Variants in ELP4 observed in about 807,000 individuals in gnomAD.
ELP4 encodes the protein elongator acetyltransferase complex subunit 4, also known as elongator complex protein 4.
ELP4 carries 51 observed loss-of-function variants against 48.9 expected under a neutral mutation model. That is an observed-to-expected ratio of 1.04 (90% CI 0.83 to 1.32). ELP4 has a LOEUF of 1.32. Among genes scored for constraint, ELP4 ranks in the 40% most tolerant of loss-of-function variants. The pLI is 0.00. For missense variants in ELP4, 519 were observed against 514.6 expected, an observed-to-expected ratio of 1.01 and a Z score of -0.08; for synonymous variants, 210 against 189.2, an observed-to-expected ratio of 1.11 and a Z score of -0.90.
intron 9 of ELP4, chr11:31,662,557 G>A (rs772384686): frequency 7.3e-5 from 29 of 397,746 alleles, no homozygotes; most frequent in Non-Finnish European, 4.9e-5. Context: ...TACGACCTGC[G>A]AAGGCAAAGA....
chr11:31,525,748 G>A (rs952580313), intron 2 of ELP4, among the ~76,000 whole-genome samples: 2 of 152,092 alleles, frequency 1.3e-5, no homozygotes, highest in African/African-American at 4.8e-5. Context: ...TAAAGACTAG[G>A]CTGTATACCT....
intron 9 of ELP4, among the ~76,000 whole-genome samples, chr11:31,736,227 AG>A (rs1403034282): frequency 6.6e-6 from 1 of 152,242 alleles, no homozygotes; most frequent in African/African-American, 2.4e-5. Flanking sequence ...GAATGGGGAA[AG>A]GATTCCCTAT....
intron 2 of ELP4, among the ~76,000 whole-genome samples, chr11:31,533,368 CTTTTTTTTTTT>C (rs71060492): frequency 0.014 from 733 of 50,572 alleles, 19 homozygotes; most frequent in Admixed American, 0.043. Flanking sequence ...CCATCTCATT[CTTTTTTTTTTT>C]TTTTTTTTTT....
At chr11:31,569,821 T>A (rs1423433291) in intron 3 of ELP4, among the ~76,000 whole-genome samples, 1 of 152,156 alleles carries the variant, frequency 6.6e-6, no homozygotes, top group Non-Finnish European at 1.5e-5. Flanking sequence ...CAATGAGATA[T>A]CATCTCACAC....
At chr11:31,778,742 ACT>A (rs539683553) in intron 9 of ELP4, among the ~76,000 whole-genome samples, 1 of 151,982 alleles carries the variant, frequency 6.6e-6, no homozygotes, top group Non-Finnish European at 1.5e-5. Flanking sequence ...TCAAACTGTC[ACT>A]CTCTGCCTCT....
chr11:31,726,668 A>AG (rs2134194260), intron 9 of ELP4, among the ~76,000 whole-genome samples: 1 of 152,280 alleles, frequency 6.6e-6, no homozygotes, highest in East Asian at 1.9e-4. Context: ...GAAAAAAAAA[A>AG]GGGAATCCTA....
chr11:31,565,943 G>A lies in ELP4; in HGVS notation c.381+26160G>A, dbSNP rs559960943. Among the ~76,000 whole-genome samples the A allele has an allele frequency of 1.9e-3, 282 of 152,176 alleles. 2 individuals carry two copies. The highest frequency in any genetic ancestry group is 6.6e-3 in the African/African-American group (272 of 41,522). ...TGGTAGCTTGATGGGGATGGCATTG[G>A]ATCTATAAATTACCTTGAGCATTAT... On this transcript the variant is annotated intron_variant, in intron 3 of 9. Coordinates refer to ENST00000640961, the MANE Select transcript of ELP4 (RefSeq NM_019040.5).
At chr11:31,687,517 A>G (rs1395888724) in intron 9 of ELP4, 1 of 152,218 alleles carries the variant, frequency 6.6e-6, no homozygotes, top group Non-Finnish European at 1.5e-5. Flanking sequence ...CCATTGACCA[A>G]GAAGTTTCAG....
chr11:31,525,916 C>T (rs1190565200), intron 2 of ELP4, among the ~76,000 whole-genome samples: 1 of 152,048 alleles, frequency 6.6e-6, no homozygotes, highest in Non-Finnish European at 1.5e-5. Flanking sequence ...CTATAATACT[C>T]CGTATTTTTC....
chr11:31,581,565 A>G (rs1957392902), intron 3 of ELP4, among the ~76,000 whole-genome samples: 1 of 152,178 alleles, frequency 6.6e-6, no homozygotes, highest in African/African-American at 2.4e-5. Flanking sequence ...AACCTGAAGA[A>G]GCTATTTAGA....
intron 9 of ELP4, among the ~76,000 whole-genome samples, chr11:31,697,753 C>T (rs1277612253): frequency 3.3e-5 from 5 of 152,014 alleles, no homozygotes; most frequent in Non-Finnish European, 5.9e-5. Context: ...GAAATGCAAT[C>T]AGGGTCTCAT....
At chr11:31,570,203 G>A (rs972433931) in intron 3 of ELP4, among the ~76,000 whole-genome samples, 2 of 152,182 alleles carry the variant, frequency 1.3e-5, no homozygotes, top group Admixed American at 1.3e-4. Context: ...GTCCTTTGCA[G>A]CAACATGGAT....
chr11:31,551,274 A>G (rs1956846452), intron 3 of ELP4, among the ~76,000 whole-genome samples: 1 of 152,158 alleles, frequency 6.6e-6, no homozygotes. Flanking sequence ...ATCGATGCGG[A>G]TGGTCTGCAG....
intron 1 of ELP4, among the ~76,000 whole-genome samples, chr11:31,515,385 T>G (rs1202735762): frequency 1.3e-5 from 2 of 152,192 alleles, no homozygotes; most frequent in Admixed American, 1.3e-4. Flanking sequence ...TGGTCACTCA[T>G]GCCTGTAATC....
chr11:31,584,620 C>T (rs1028642794), intron 3 of ELP4, among the ~76,000 whole-genome samples: 2 of 152,040 alleles, frequency 1.3e-5, no homozygotes, highest in African/African-American at 4.8e-5. Context: ...CCTCCACCCC[C>T]GGGTTCAAGC....
chr11:31,730,027 C>G (rs969772903), intron 9 of ELP4, among the ~76,000 whole-genome samples: 2 of 152,154 alleles, frequency 1.3e-5, no homozygotes, highest in Non-Finnish European at 2.9e-5. Flanking sequence ...AAAACATAGA[C>G]CAGTTCCCTT....
Position 31,539,740 on chromosome 11 carries a change from T to C in ELP4, c.338T>C (p.Leu113Ser), listed in dbSNP as rs201333718. 4.6e-3 allele frequency: 7,411 copies of C among 1,612,314 alleles called. 36 individuals are homozygous for C. Among genetic ancestry groups the C allele is most frequent in the South Asian group, 0.015 (1,318 of 90,488 alleles). Residue 113 changes from leucine to serine, a missense_variant, in exon 3 of 10, where the codon TTG becomes TCG. Physicochemically the swap from Leu to Ser is moderately radical, Grantham distance 145 (BLOSUM62 -2). Coordinates refer to ENST00000640961, the MANE Select transcript of ELP4 (RefSeq NM_019040.5). ...GAAGGAATTGTCAATGGGCATACTT[T>C]GTTGGTTGCATCTGCTAAAGAGGAT... ...LAEGIVNGHT[L>S]LVASAKEDPA...
At chr11:31,669,877 A>G (rs1301953362) in intron 9 of ELP4, among the ~76,000 whole-genome samples, 1 of 152,166 alleles carries the variant, frequency 6.6e-6, no homozygotes, top group Non-Finnish European at 1.5e-5. Context: ...TTACCAAACT[A>G]TATATTGTCC....
At chr11:31,643,115 C>T (rs1279428672) in intron 7 of ELP4, among the ~76,000 whole-genome samples, 5 of 151,688 alleles carry the variant, frequency 3.3e-5, no homozygotes, top group African/African-American at 7.3e-5. Context: ...GGGTACTCCC[C>T]TCCCCGCTCT....
Sources: gnomAD v4.1 joint callset for allele counts (sites outside exome capture counted in the v4.1 genomes callset) on GRCh38, gnomAD v4.1.1 for gene constraint, MANE v1.5 for transcripts, NCBI Gene and HGNC (gene_info 2026-07-23, HGNC 2026-07-21) for gene names.